The following SLC12A7 variants were observed in gnomAD, a reference collection of about 807,000 sequenced individuals.
The protein encoded by SLC12A7 is solute carrier family 12 member 7, also known as K-Cl cotransporter 4.
In SLC12A7, 100 loss-of-function variants were observed where a neutral mutation model predicts 120.6. That is an observed-to-expected ratio of 0.83 (90% CI 0.71 to 0.98). The LOEUF (loss-of-function observed/expected upper bound fraction) is 0.98, where lower values mean the gene tolerates loss of function less well. Among genes scored for constraint, SLC12A7 ranks in the 50% least tolerant of loss-of-function variants. SLC12A7 has a pLI of 0.00. For synonymous variants in SLC12A7, 760 were observed against 678.0 expected, an observed-to-expected ratio of 1.12 and a Z score of -1.88; for missense variants, 1,373 against 1,548.1, an observed-to-expected ratio of 0.89 and a Z score of 1.90.
chr5:1,109,813 G>A (rs1225919437), intron 1 of SLC12A7, among the ~76,000 whole-genome samples: 1 of 152,246 alleles, frequency 6.6e-6, no homozygotes, highest in African/African-American at 2.4e-5. Context: ...CGTCACCCAG[G>A]CGCCAGCCCA....
chr5:1,066,480 G>A (rs530140648), intron 17 of SLC12A7, among the ~76,000 whole-genome samples: 1 of 152,322 alleles, frequency 6.6e-6, no homozygotes, highest in Admixed American at 6.5e-5. Context: ...ATGTGTGGCA[G>A]ATATGAATTT....
chr5:1,136,539 C>T, the SLC12A7 span, among the ~76,000 whole-genome samples: 3 of 129,744 alleles, frequency 2.3e-5, no homozygotes, highest in Non-Finnish European at 4.6e-5. Context: ...CGCAGGCACA[C>T]GTGTGCTCAG....
chr5:1,086,818 T>G (rs1739908095), intron 6 of SLC12A7, 85 bp downstream of exon 6: 1 of 1,541,876 alleles, frequency 6.5e-7, no homozygotes, highest in African/African-American at 1.4e-5. Flanking sequence ...GTGTGCTGTG[T>G]GTGCCACAGA....
At chr5:1,145,438 C>G in the SLC12A7 span, among the ~76,000 whole-genome samples, 10 of 152,350 alleles carry the variant, frequency 6.6e-5, no homozygotes, top group South Asian at 1.4e-3. This position sits in a 1 kb window ranked among gnomAD's most constrained non-coding sequence, Gnocchi z 4.4. Context: ...TCTTGGAGCA[C>G]TGAGGAGCCA....
At chr5:1,084,806 G>T (rs1416948555) in intron 7 of SLC12A7, among the ~76,000 whole-genome samples, 1 of 152,104 alleles carries the variant, frequency 6.6e-6, no homozygotes, top group African/African-American at 2.4e-5. Context: ...CATGTTCCAG[G>T]ACCCTGGGCC....
At chr5:1,101,050 C>G (rs1741966256) in intron 1 of SLC12A7, among the ~76,000 whole-genome samples, 1 of 152,134 alleles carries the variant, frequency 6.6e-6, no homozygotes, top group Admixed American at 6.5e-5. Context: ...TCCGTCCATC[C>G]CAACATCTTC....
chr5:1,074,997 G>A (rs968394696), intron 15 of SLC12A7, among the ~76,000 whole-genome samples: 2 of 152,106 alleles, frequency 1.3e-5, no homozygotes, highest in Non-Finnish European at 2.9e-5. Flanking sequence ...CAGGTGGAGG[G>A]AGGGTGGGTG....
intron 6 of SLC12A7, 23 bp from the exon 7 acceptor site, chr5:1,085,496 G>A: frequency 1.3e-6 from 2 of 1,573,494 alleles, no homozygotes; most frequent in Non-Finnish European, 1.7e-6. Flanking sequence ...GGCCGGTCGG[G>A]AGGCCGTCCC....
At chr5:1,124,229 C>G in the SLC12A7 span, among the ~76,000 whole-genome samples, 1 of 152,190 alleles carries the variant, frequency 6.6e-6, no homozygotes, top group Non-Finnish European at 1.5e-5. Context: ...GAGATCAGCG[C>G]CCACAAGCCA....
the SLC12A7 span, among the ~76,000 whole-genome samples, chr5:1,128,744 T>A: frequency 6.6e-6 from 1 of 152,358 alleles, no homozygotes; most frequent in Non-Finnish European, 1.5e-5. Flanking sequence ...TGTGCGTGTG[T>A]GTGTGCATGC....
At position 1,063,406 on chromosome 5, in the gene SLC12A7, C is replaced by T. The variant is rs1008907574; in HGVS notation, c.2739+438G>A. ...AGGTGTGAGGTCCTGGACGGGGTCCCGGGCCGAGGAGGACACGGGACCATG... is the reference window on the plus strand; with the variant it reads ...AGGTGTGAGGTCCTGGACGGGGTCCTGGGCCGAGGAGGACACGGGACCATG... On this transcript the variant is annotated intron_variant, in intron 20 of 23. Transcript: ENST00000264930. Among the ~76,000 whole-genome samples the T allele has an allele frequency of 5.9e-5, 9 of 152,296 alleles. 1 individual carries two copies. In the Middle Eastern group the frequency reaches 0.01, roughly 174 times the overall value.
chr5:1,078,674 G>A (rs772810810), intron 11 of SLC12A7, 27 bp downstream of exon 11: 7 of 1,595,422 alleles, frequency 4.4e-6, no homozygotes, highest in South Asian at 3.3e-5. Context: ...TACAGGCTTT[G>A]CACGAAAACT....
the SLC12A7 span, among the ~76,000 whole-genome samples, chr5:1,144,620 AC>A: frequency 2.0e-5 from 3 of 152,106 alleles, no homozygotes; most frequent in African/African-American, 7.2e-5. Flanking sequence ...CTTGAAAATG[AC>A]CCCTCAAACC....
upstream of SLC12A7, among the ~76,000 whole-genome samples, chr5:1,116,076 A>G (rs1026897107): frequency 6.6e-6 from 1 of 152,054 alleles, no homozygotes; most frequent in Non-Finnish European, 1.5e-5. Flanking sequence ...AATTCTGCCC[A>G]TGGCCAGGGT....
intron 1 of SLC12A7, among the ~76,000 whole-genome samples, chr5:1,097,578 C>T (rs191335752): frequency 8.7e-4 from 132 of 152,346 alleles, no homozygotes; most frequent in African/African-American, 2.6e-3. Context: ...TGTGCGCCAG[C>T]GGCCTCACGA....
chr5:1,119,537 C>T, the SLC12A7 span, among the ~76,000 whole-genome samples: 8 of 152,370 alleles, frequency 5.3e-5, no homozygotes, highest in East Asian at 3.9e-4. Context: ...TGTGTGCGGC[C>T]GGCTCGCCGC....
At chr5:1,125,478 G>A in the SLC12A7 span, among the ~76,000 whole-genome samples, 1,081 of 152,142 alleles carry the variant, frequency 7.1e-3, 7 homozygotes, top group Middle Eastern at 0.034. Context: ...ATTGTACTGC[G>A]GAAAATGTCA....
intron 6 of SLC12A7, among the ~76,000 whole-genome samples, chr5:1,086,167 G>A (rs948595189): frequency 1.8e-4 from 28 of 152,252 alleles, no homozygotes; most frequent in Admixed American, 1.8e-3. Context: ...GTGTGGGTGC[G>A]ACCCCACTGA....
Position 1,111,910 on chromosome 5 carries a change from G to A in SLC12A7, c.82C>T (p.Pro28Ser). ...GGCTCGGGGCCCTCGGGGGTGCCCG[G>A]AGCCTCCGTCCGCTCGGCAGTCTCG... is the stretch of plus-strand genomic sequence containing the variant. ...GDETAERTEAPGTPEGPEPER... is the reference protein window; with the variant it reads ...GDETAERTEASGTPEGPEPER... Residue 28 changes from proline (P) to serine (S), a missense_variant, in exon 1 of 24, where the codon CCG (proline) becomes TCG (serine). Pro to Ser is a moderately conservative substitution (Grantham distance 74). Coordinates refer to ENST00000264930, the MANE Select transcript of SLC12A7 (RefSeq NM_006598.3). The A allele has an allele frequency of 2.4e-6, 3 of 1,250,078 alleles. No individual in the cohort carries two copies. Among genetic ancestry groups the A allele is most frequent in the Non-Finnish European group, 3.0e-6 (3 of 995,272 alleles). The allele number at this position is 1,250,078 out of a possible 1,614,324, so 77.4% of individuals were successfully genotyped here. A position where few individuals can be genotyped will look rare whatever the true frequency, so the allele number is the denominator to read the frequency against.
Sources: gnomAD v4.1 joint callset for allele counts (sites outside exome capture counted in the v4.1 genomes callset) on GRCh38, gnomAD v4.1.1 for gene constraint, Gnocchi (gnomAD v3.1) non-coding constraint, MANE v1.5 for transcripts, NCBI Gene and HGNC (gene_info 2026-07-23, HGNC 2026-07-21) for gene names.